The following MALRD1 variants were observed in gnomAD, a reference collection of about 807,000 sequenced individuals.
The protein encoded by MALRD1 is MAM and LDL receptor class A domain containing 1, also known as MAM and LDL-receptor class A domain-containing protein 1.
A neutral mutation model predicts 242.1 loss-of-function variants in MALRD1; 247 were observed. That is an observed-to-expected ratio of 1.02 (90% CI 0.92 to 1.13). The LOEUF is 1.13. Ranked by LOEUF, MALRD1 falls within the 50% of genes most tolerant of loss-of-function variation. MALRD1 has a pLI of 0.00. For synonymous variants in MALRD1, 995 were observed against 866.6 expected, an observed-to-expected ratio of 1.15 and a Z score of -2.60; for missense variants, 2,989 against 2,533.1, an observed-to-expected ratio of 1.18 and a Z score of -3.86.
At chr10:19,715,144 A>T (rs1340939424) in intron 38 of MALRD1, among the ~76,000 whole-genome samples, 1 of 151,936 alleles carries the variant, frequency 6.6e-6, no homozygotes, top group Non-Finnish European at 1.5e-5. Flanking sequence ...ATTGCTACGA[A>T]ATTTATTGCT....
At chr10:19,278,032 A>C (rs924481117) in intron 19 of MALRD1, among the ~76,000 whole-genome samples, 18 of 151,914 alleles carry the variant, frequency 1.2e-4, no homozygotes, top group African/African-American at 4.1e-4. Flanking sequence ...ATATCTTGTT[A>C]TTTCTCCATA....
chr10:19,345,651 T>G (rs1464849076), intron 24 of MALRD1, among the ~76,000 whole-genome samples: 2 of 152,154 alleles, frequency 1.3e-5, no homozygotes, highest in Non-Finnish European at 2.9e-5. Context: ...TTTGATGACA[T>G]AAATTATGAC....
At chr10:19,202,826 T>C (rs922615620) in intron 14 of MALRD1, among the ~76,000 whole-genome samples, 8 of 152,180 alleles carry the variant, frequency 5.3e-5, no homozygotes, top group South Asian at 2.1e-4. Context: ...TTAACACTTA[T>C]TGTCAACAGT....
intron 21 of MALRD1, among the ~76,000 whole-genome samples, chr10:19,304,781 T>C (rs1043656561): frequency 6.6e-6 from 1 of 151,804 alleles, no homozygotes; most frequent in Non-Finnish European, 1.5e-5. Context: ...AACTTTTCTT[T>C]ATTTCTTGAA....
chr10:19,278,514 C>G (rs758512706), intron 19 of MALRD1, among the ~76,000 whole-genome samples: 7 of 152,066 alleles, frequency 4.6e-5, no homozygotes, highest in Non-Finnish European at 8.8e-5. Flanking sequence ...TCCATCTATC[C>G]ATCCATTTAT....
intron 21 of MALRD1, among the ~76,000 whole-genome samples, chr10:19,310,455 C>T (rs575969193): frequency 6.6e-6 from 1 of 151,512 alleles, no homozygotes; most frequent in Non-Finnish European, 1.5e-5. Flanking sequence ...AAACAAAAAG[C>T]AGCTAGATAA....
intron 28 of MALRD1, among the ~76,000 whole-genome samples, chr10:19,435,184 C>A (rs1253903038): frequency 6.6e-6 from 1 of 151,054 alleles, no homozygotes; most frequent in African/African-American, 2.4e-5. Flanking sequence ...AGCAGCTTTG[C>A]AGCTTTTACA....
intron 18 of MALRD1, among the ~76,000 whole-genome samples, chr10:19,231,372 T>C (rs527240237): frequency 1.2e-4 from 18 of 152,308 alleles, no homozygotes; most frequent in African/African-American, 4.1e-4. Flanking sequence ...ATCTCAAATC[T>C]GCTTTACAGG....
chr10:19,264,095 G>T (rs1839872307), intron 19 of MALRD1, among the ~76,000 whole-genome samples: 1 of 152,250 alleles, frequency 6.6e-6, no homozygotes, highest in Admixed American at 6.5e-5. Context: ...TACTGTATTA[G>T]GGAGCATTTC....
At chr10:19,172,636 AG>A (rs1313598403) in intron 13 of MALRD1, among the ~76,000 whole-genome samples, 2 of 151,386 alleles carry the variant, frequency 1.3e-5, no homozygotes, top group African/African-American at 4.8e-5. Flanking sequence ...GTACCTCTTT[AG>A]GAGCATAGAG....
At chr10:19,573,214 G>A (rs555933457) in intron 33 of MALRD1, among the ~76,000 whole-genome samples, 1 of 152,254 alleles carries the variant, frequency 6.6e-6, no homozygotes, top group South Asian at 2.1e-4. Context: ...TCCTGCCCCA[G>A]GTCAAGGTGG....
intron 28 of MALRD1, among the ~76,000 whole-genome samples, chr10:19,440,331 A>G (rs958791132): frequency 6.6e-6 from 1 of 151,958 alleles, no homozygotes; most frequent in Non-Finnish European, 1.5e-5. Context: ...TTTTATCTAT[A>G]GCTTAAAACC....
chr10:19,435,734 T>C (rs1286876047), intron 28 of MALRD1, among the ~76,000 whole-genome samples: 4 of 152,148 alleles, frequency 2.6e-5, no homozygotes, highest in Non-Finnish European at 5.9e-5. Flanking sequence ...CCCATATCCC[T>C]GGAAAGTTGC....
chr10:19,488,126 C>G (rs1478424735), intron 29 of MALRD1, among the ~76,000 whole-genome samples: 1 of 152,136 alleles, frequency 6.6e-6, no homozygotes, highest in Non-Finnish European at 1.5e-5. Flanking sequence ...ATATAAGTCA[C>G]TATGAATCTG....
intron 31 of MALRD1, among the ~76,000 whole-genome samples, chr10:19,523,825 C>CG (rs1176865204): frequency 2.0e-5 from 3 of 150,376 alleles, no homozygotes; most frequent in African/African-American, 4.9e-5. Flanking sequence ...ATGCATACTG[C>CG]GGGGGGCGCA....
Position 19,580,497 on chromosome 10 carries a change from C to A in MALRD1, c.5680+12794C>A, listed in dbSNP as rs146003145. Among the ~76,000 whole-genome samples, 7 of 152,276 alleles carry A rather than the reference C, an allele frequency of 4.6e-5. No homozygotes were observed. The East Asian group carries it at 1.4e-3, about 29-fold the overall frequency. ...ACATCGCCCATCATCCACTGCCCAG[C>A]TATCTTCTCCAAAACTCCTCTTTTA... On this transcript the variant is annotated intron_variant, in intron 33 of 39. Coordinates refer to ENST00000454679, the MANE Select transcript of MALRD1 (RefSeq NM_001142308.3).
At chr10:19,344,282 A>T (rs1045236853) in intron 24 of MALRD1, among the ~76,000 whole-genome samples, 2 of 152,054 alleles carry the variant, frequency 1.3e-5, no homozygotes, top group African/African-American at 4.8e-5. Flanking sequence ...AAGTTGTATG[A>T]TATTACATTT....
chr10:19,160,936 G>A (rs1834366874), intron 12 of MALRD1, among the ~76,000 whole-genome samples: 2 of 149,658 alleles, frequency 1.3e-5, no homozygotes, highest in South Asian at 4.3e-4. Flanking sequence ...TTGATTTTTT[G>A]AAGGGTTTTT....
intron 27 of MALRD1, among the ~76,000 whole-genome samples, chr10:19,388,895 A>G (rs975860148): frequency 4.0e-5 from 6 of 151,436 alleles, no homozygotes; most frequent in Admixed American, 6.6e-5. Flanking sequence ...AAAAAAAAAA[A>G]AAAAGAAAAA....
Sources: gnomAD v4.1 joint callset for allele counts (sites outside exome capture counted in the v4.1 genomes callset) on GRCh38, gnomAD v4.1.1 for gene constraint, MANE v1.5 for transcripts, NCBI Gene and HGNC (gene_info 2026-07-23, HGNC 2026-07-21) for gene names.